EFCAB13: variants seen among roughly 807,000 people sequenced by gnomAD.
The protein encoded by EFCAB13 is EF-hand calcium-binding domain-containing protein 13.
EFCAB13 carries 91 observed loss-of-function variants against 110.2 expected under a neutral mutation model. That is an observed-to-expected ratio of 0.83 (90% CI 0.70 to 0.98). The LOEUF (loss-of-function observed/expected upper bound fraction) is 0.98, where lower values mean the gene tolerates loss of function less well. Ranked by LOEUF, EFCAB13 falls within the 50% of genes least tolerant of loss-of-function variation. The pLI is 0.00. For synonymous variants in EFCAB13, 323 were observed against 369.9 expected (o/e 0.87, Z 1.45); for missense variants, 968 against 1,119.4 (o/e 0.86, Z 1.93).
rs540985330 is a variant in EFCAB13, at chr17:47,415,168, A to G, written c.2494+249A>G. 1.6e-4 allele frequency among the ~76,000 whole-genome samples: 25 copies of G among 152,030 alleles called. No homozygotes were observed. The East Asian group carries it at 4.7e-3, about 28-fold the overall frequency. On this transcript the variant is annotated intron_variant, in intron 23 of 24. Coordinates refer to ENST00000331493, the MANE Select transcript of EFCAB13 (RefSeq NM_152347.5). ...AACCAAACACCGCATATTCTCACTC[A>G]TAGGTGGGAATTGAACAATGAGAAC...
intron 17 of EFCAB13, among the ~76,000 whole-genome samples, chr17:47,399,868 T>A (rs2065769708): frequency 1.3e-5 from 2 of 152,214 alleles, no homozygotes. Context: ...TCATGTAGCT[T>A]ATGAGCTCTC....
chr17:47,440,903 C>T lies in EFCAB13; in HGVS notation c.*189C>T, dbSNP rs1362675348. ...TGATCACACTTTTTAAACATTCATG[C>T]TTTTTGAGGTATAATGTACATATGG... is the stretch of plus-strand genomic sequence containing the variant. On this transcript the variant is annotated 3_prime_UTR_variant, in exon 25 of 25. Transcript: ENST00000331493. 3 of 460,676 alleles carry T rather than the reference C, an allele frequency of 6.5e-6. No individual in the cohort carries two copies. The East Asian group carries it at 1.1e-4, about 17-fold the overall frequency. The allele number at this position is 460,676 out of a possible 1,614,324, so 28.5% of individuals were successfully genotyped here.
chr17:47,386,258 C>G (rs896732614), intron 14 of EFCAB13, among the ~76,000 whole-genome samples: 2 of 152,198 alleles, frequency 1.3e-5, no homozygotes, highest in African/African-American at 4.8e-5. Flanking sequence ...CGCCCCTTCC[C>G]CCAGATACGC....
In EFCAB13 at chr17:47,395,895, C is replaced by T; in HGVS notation, c.1863C>T (p.Asp621=). 6.2e-7 allele frequency: 1 copy of T among 1,610,814 alleles called. No homozygotes were observed. The highest frequency in any genetic ancestry group is 8.5e-7 in the Non-Finnish European group (1 of 1,177,818). Residue 621 remains aspartate, a synonymous_variant, in exon 17 of 25, where the codon GAC becomes GAT. Coordinates refer to ENST00000331493, the MANE Select transcript of EFCAB13 (RefSeq NM_152347.5). Reference sequence around the variant, plus strand: ...GAAAGGAGACGATGAGTGTTTCTGACCTGTGGAATACTCTGTCTAGTTTGA... The same window carrying T: ...GAAAGGAGACGATGAGTGTTTCTGATCTGTGGAATACTCTGTCTAGTTTGA... ...DLRKETMSVS[D]LWNTLSSLNS...
chr17:47,404,390 C>A (rs2065794647), intron 19 of EFCAB13, among the ~76,000 whole-genome samples, 172 bp from the exon 20 acceptor site: 1 of 152,044 alleles, frequency 6.6e-6, no homozygotes, highest in African/African-American at 2.4e-5. Context: ...ACTTAGTATA[C>A]CTACAACATT....
At chr17:47,423,541 G>C in intron 23 of EFCAB13, 1 of 298,144 alleles carries the variant, frequency 3.4e-6, no homozygotes, top group Non-Finnish European at 6.2e-6. Context: ...CCCCGGCCGT[G>C]CCAGGCACGG....
intron 14 of EFCAB13, among the ~76,000 whole-genome samples, chr17:47,388,127 CCTCT>C (rs2065686631): frequency 6.6e-6 from 1 of 152,202 alleles, no homozygotes; most frequent in Non-Finnish European, 1.5e-5. Context: ...GCTGGTCCCA[CCTCT>C]CTTTTAGTTT....
chr17:47,397,934 G>T (rs1403319474), intron 17 of EFCAB13, among the ~76,000 whole-genome samples: 1 of 147,936 alleles, frequency 6.8e-6, no homozygotes, highest in African/African-American at 2.5e-5. Flanking sequence ...GTCAGCCCCC[G>T]CTAGGCCAGC....
intron 23 of EFCAB13, among the ~76,000 whole-genome samples, chr17:47,426,916 G>C (rs1189898848): frequency 6.6e-6 from 1 of 152,026 alleles, no homozygotes; most frequent in Non-Finnish European, 1.5e-5. Context: ...ATTTTAAAAA[G>C]TTGTATAGTT....
intron 23 of EFCAB13, among the ~76,000 whole-genome samples, chr17:47,428,431 T>C (rs1905032209): frequency 2.6e-5 from 4 of 152,134 alleles, no homozygotes; most frequent in African/African-American, 9.7e-5. Flanking sequence ...TTTACCTTTA[T>C]TGTCTTTGAT....
At chr17:47,330,409 C>T (rs1567778476) in intron 4 of EFCAB13, among the ~76,000 whole-genome samples, 1 of 151,810 alleles carries the variant, frequency 6.6e-6, no homozygotes, top group African/African-American at 2.4e-5. Flanking sequence ...GTACCTGTTA[C>T]CTGAATAGTA....
chr17:47,404,027 C>A lies in EFCAB13; in HGVS notation c.2161+6C>A. On this transcript the variant is annotated splice_donor_region_variant and intron_variant, in intron 19 of 24. Transcript: ENST00000331493. ...TCAATCAGATTTTGTTTCTGGTAAG[C>A]ATTTTAAATATTACTCTCAGGTTTT... The A allele has an allele frequency of 1.3e-6, 2 of 1,575,932 alleles. No individual in the cohort carries two copies. The highest frequency in any genetic ancestry group is 1.9e-5 in the Admixed American group (1 of 52,448).
At chr17:47,438,923 C>G (rs1245227272) in intron 24 of EFCAB13, among the ~76,000 whole-genome samples, 1 of 151,988 alleles carries the variant, frequency 6.6e-6, no homozygotes, top group Admixed American at 6.6e-5. Flanking sequence ...ATTTCTGCTT[C>G]CCTCATATAC....
At chr17:47,385,541 CT>C (rs1305045371) in intron 14 of EFCAB13, among the ~76,000 whole-genome samples, 1 of 152,022 alleles carries the variant, frequency 6.6e-6, no homozygotes, top group East Asian at 1.9e-4. Context: ...TTAGCAGTTC[CT>C]GTAACCTTTT....
chr17:47,355,200 T>C (rs1210196295), intron 9 of EFCAB13, among the ~76,000 whole-genome samples: 1 of 152,230 alleles, frequency 6.6e-6, no homozygotes, highest in African/African-American at 2.4e-5. Flanking sequence ...AGGCTAAAGA[T>C]AGGACCCAAT....
Position 47,424,171 on chromosome 17 carries a change from C to G in EFCAB13, c.2495-5647C>G, listed in dbSNP as rs577388848. Among the ~76,000 whole-genome samples the G allele has an allele frequency of 2.4e-3, 368 of 152,308 alleles. 4 individuals carry two copies. The highest frequency in any genetic ancestry group is 7.7e-3 in the African/African-American group (319 of 41,580). The stretch of plus-strand genomic sequence containing the variant: ...CTCGGCGCCGCCGCCGCCTAGTCCA[C>G]CGGAGGAGCCGGCGCCAGCGTGGAC... On this transcript the variant is annotated intron_variant, in intron 23 of 24. Coordinates refer to ENST00000331493, the MANE Select transcript of EFCAB13 (RefSeq NM_152347.5).
chr17:47,415,324 A>G (rs1904404661), intron 23 of EFCAB13, among the ~76,000 whole-genome samples: 1 of 152,162 alleles, frequency 6.6e-6, no homozygotes, highest in South Asian at 2.1e-4. Context: ...CCAGCATGGC[A>G]CATGTATACA....
At chr17:47,327,910 A>G (rs1049729243) in intron 3 of EFCAB13, 3 of 212,134 alleles carry the variant, frequency 1.4e-5, no homozygotes, top group Non-Finnish European at 2.8e-5. Context: ...TCAAGTCTTT[A>G]TCATGATATT....
At chr17:47,377,734 G>A in intron 12 of EFCAB13, 32 bp from the exon 13 acceptor site, 1 of 1,518,062 alleles carries the variant, frequency 6.6e-7, no homozygotes, top group Non-Finnish European at 8.8e-7. Context: ...AAATTCTGTT[G>A]CCTAATAGTT....
Sources: gnomAD v4.1 joint callset for allele counts (sites outside exome capture counted in the v4.1 genomes callset) on GRCh38, gnomAD v4.1.1 for gene constraint, MANE v1.5 for transcripts, NCBI Gene and HGNC (gene_info 2026-07-23, HGNC 2026-07-21) for gene names.